Variants in LRRTM4 observed in about 807,000 individuals in gnomAD.
LRRTM4 encodes the protein leucine-rich repeat transmembrane neuronal protein 4.
In LRRTM4, 25 loss-of-function variants were observed where a neutral mutation model predicts 47.6. The observed-to-expected ratio is 0.53, with a 90% CI of 0.38 to 0.73. The LOEUF is 0.73. LRRTM4 is among the 30% of genes least tolerant of loss of function. The probability of loss-of-function intolerance (pLI) is 0.00; values close to 1 mark genes in which losing one functional copy is unlikely to be tolerated. For missense variants in LRRTM4, 638 were observed against 713.4 expected, an observed-to-expected ratio of 0.89 and a Z score of 1.20; for synonymous variants, 311 against 269.5, an observed-to-expected ratio of 1.15 and a Z score of -1.51.
At chr2:77,185,392 C>T (rs534511468) in intron 3 of LRRTM4, among the ~76,000 whole-genome samples, 7 of 152,248 alleles carry the variant, frequency 4.6e-5, no homozygotes, top group African/African-American at 1.7e-4. Context: ...GGTCTCCATC[C>T]ACCAGATGCA....
intron 3 of LRRTM4, among the ~76,000 whole-genome samples, chr2:77,380,615 G>A (rs1000239314): frequency 2.0e-5 from 3 of 151,964 alleles, no homozygotes; most frequent in Non-Finnish European, 2.9e-5. Flanking sequence ...GGCCAATATG[G>A]TGAAACCCCG....
chr2:77,492,912 A>G (rs1678222649), intron 3 of LRRTM4, among the ~76,000 whole-genome samples: 1 of 152,180 alleles, frequency 6.6e-6, no homozygotes, highest in Non-Finnish European at 1.5e-5. Flanking sequence ...CCACTGGTCA[A>G]CCTAGGAAAA....
At chr2:76,874,683 A>G (rs1192487131) in intron 3 of LRRTM4, among the ~76,000 whole-genome samples, 1 of 151,930 alleles carries the variant, frequency 6.6e-6, no homozygotes, top group Non-Finnish European at 1.5e-5. Flanking sequence ...TTCAGTAGTC[A>G]ACTTGCAACA....
chr2:77,017,500 G>T (rs770363424), intron 3 of LRRTM4, among the ~76,000 whole-genome samples: 1 of 151,988 alleles, frequency 6.6e-6, no homozygotes, highest in Non-Finnish European at 1.5e-5. Flanking sequence ...CTAAGGTCTG[G>T]TAAGTACAAG....
chr2:76,969,348 G>A (rs1676142735), intron 3 of LRRTM4, among the ~76,000 whole-genome samples: 1 of 151,712 alleles, frequency 6.6e-6, no homozygotes, highest in East Asian at 1.9e-4. Flanking sequence ...AGCTGGTGAC[G>A]GACATGGAGA....
intron 3 of LRRTM4, among the ~76,000 whole-genome samples, chr2:77,505,155 A>T (rs1353312332): frequency 6.6e-6 from 1 of 151,322 alleles, no homozygotes; most frequent in Non-Finnish European, 1.5e-5. Context: ...AAAAGAATAT[A>T]ATGAAAGAAC....
intron 3 of LRRTM4, chr2:77,517,680 T>C (rs1679262895): frequency 1.6e-5 from 15 of 951,786 alleles, no homozygotes; most frequent in Non-Finnish European, 1.7e-5. Context: ...TGAAAGAAAG[T>C]AGGAAAGAAG....
At chr2:77,122,313 A>G (rs1029718458) in intron 3 of LRRTM4, among the ~76,000 whole-genome samples, 1 of 151,552 alleles carries the variant, frequency 6.6e-6, no homozygotes, top group Admixed American at 6.6e-5. Flanking sequence ...ATTAAAAATA[A>G]TGAGTTCTAA....
At chr2:76,936,983 A>AAAAAAAAAAC in intron 3 of LRRTM4, among the ~76,000 whole-genome samples, 1 of 147,508 alleles carries the variant, frequency 6.8e-6, no homozygotes, top group Non-Finnish European at 1.5e-5. Context: ...AAAAAAAAAA[A>AAAAAAAAAAC]AAGAGCACAT....
At chr2:76,858,643 T>A (rs1014980365) in intron 3 of LRRTM4, among the ~76,000 whole-genome samples, 9 of 152,186 alleles carry the variant, frequency 5.9e-5, no homozygotes, top group African/African-American at 2.2e-4. Flanking sequence ...GATAGAGGAA[T>A]CAAGTAATAA....
chr2:77,037,215 G>T (rs562650341), intron 3 of LRRTM4, among the ~76,000 whole-genome samples: 2 of 151,726 alleles, frequency 1.3e-5, no homozygotes, highest in Non-Finnish European at 2.9e-5. Context: ...GAGAATATGG[G>T]CTTCACGGAT....
chr2:77,336,455 T>C (rs1671173064), intron 3 of LRRTM4, among the ~76,000 whole-genome samples: 1 of 152,058 alleles, frequency 6.6e-6, no homozygotes. Context: ...TGAACATAGA[T>C]GCAGGAATCC....
chr2:77,191,264 T>C (rs1197381272), intron 3 of LRRTM4, among the ~76,000 whole-genome samples: 1 of 151,904 alleles, frequency 6.6e-6, no homozygotes, highest in Admixed American at 6.6e-5. Flanking sequence ...AACACACTCC[T>C]AGATAACTTC....
At chr2:76,962,984 A>G (rs1357180546) in intron 3 of LRRTM4, among the ~76,000 whole-genome samples, 1 of 150,870 alleles carries the variant, frequency 6.6e-6, no homozygotes, top group Non-Finnish European at 1.5e-5. Flanking sequence ...AATCTCAATC[A>G]TGATTATCAA....
At chr2:77,241,179 A>G (rs1182440257) in intron 3 of LRRTM4, among the ~76,000 whole-genome samples, 1 of 151,438 alleles carries the variant, frequency 6.6e-6, no homozygotes, top group Non-Finnish European at 1.5e-5. Context: ...ATAAAGCTAG[A>G]GTAAACAAAA....
chr2:77,459,263 A>G (rs535316258), intron 3 of LRRTM4, among the ~76,000 whole-genome samples: 1 of 152,162 alleles, frequency 6.6e-6, no homozygotes, highest in Non-Finnish European at 1.5e-5. Context: ...TTATTGTGCT[A>G]TTGAGCTATG....
At chr2:76,864,063 T>C (rs887894721) in intron 3 of LRRTM4, among the ~76,000 whole-genome samples, 2 of 152,132 alleles carry the variant, frequency 1.3e-5, no homozygotes, top group East Asian at 3.9e-4. Flanking sequence ...ACTAAATAAA[T>C]TGGGAATATT....
chr2:77,059,264 T>C (rs1018191980), intron 3 of LRRTM4, among the ~76,000 whole-genome samples: 2 of 152,200 alleles, frequency 1.3e-5, no homozygotes, highest in African/African-American at 2.4e-5. Context: ...CTGACAAATA[T>C]ATTGAGATTT....
At chr2:77,268,640 G>T (rs146526470) in intron 3 of LRRTM4, among the ~76,000 whole-genome samples, 1 of 152,114 alleles carries the variant, frequency 6.6e-6, no homozygotes, top group African/African-American at 2.4e-5. Context: ...TATCCCAGTT[G>T]CTCTTTTTAA....
Sources: gnomAD v4.1 joint callset for allele counts (sites outside exome capture counted in the v4.1 genomes callset) on GRCh38, gnomAD v4.1.1 for gene constraint, MANE v1.5 for transcripts, NCBI Gene and HGNC (gene_info 2026-07-23, HGNC 2026-07-21) for gene names.